The following DMAC2L variants were observed in gnomAD, a reference collection of about 807,000 sequenced individuals.
DMAC2L encodes distal membrane arm assembly component 2 like.
In DMAC2L, 21 loss-of-function variants were observed where a neutral mutation model predicts 22.5. That is an observed-to-expected ratio of 0.93 (90% CI 0.66 to 1.34). The LOEUF (loss-of-function observed/expected upper bound fraction) is 1.34, where lower values mean the gene tolerates loss of function less well. Among genes scored for constraint, DMAC2L ranks in the 40% most tolerant of loss-of-function variants. The probability of loss-of-function intolerance (pLI) is 0.00; values close to 1 mark genes in which losing one functional copy is unlikely to be tolerated. For synonymous variants in DMAC2L, 86 were observed against 89.5 expected (o/e 0.96, Z 0.22); for missense variants, 239 against 246.5 (o/e 0.97, Z 0.20).
At chr14:50,314,479 G>A (rs1443353379) in intron 1 of DMAC2L, 112 bp from the exon 2 acceptor site, 5 of 453,698 alleles carry the variant, frequency 1.1e-5, no homozygotes, top group Non-Finnish European at 4.4e-6. Flanking sequence ...ACATTCAACT[G>A]TTCACTCATT....
chr14:50,322,547 C>T lies in DMAC2L; in HGVS notation c.144C>T (p.Asp48=), dbSNP rs17850753. The T allele has an allele frequency of 1.9e-6, 3 of 1,613,528 alleles. No homozygotes were observed. The South Asian group carries it at 3.3e-5, about 18-fold the overall frequency. The change falls in exon 4 of 6, where the codon GAC becomes GAT. Residue 48 remains aspartate (D), a synonymous_variant. Coordinates refer to ENST00000557421, the MANE Select transcript of DMAC2L (RefSeq NM_001382507.1). ...DYDRIRDVGP[D]RAASEWLLRC... ...ATCGCATCAGGGATGTTGGCCCTGA[C>T]AGGGCGGCATCCGAGTGGTTGCTGC...
Position 50,326,069 on chromosome 14 carries a change from A to T in DMAC2L, c.*346A>T, listed in dbSNP as rs1029081777. 6 of 326,802 alleles carry T rather than the reference A, an allele frequency of 1.8e-5. No homozygotes were observed. Among genetic ancestry groups the T allele is most frequent in the Non-Finnish European group, 2.7e-5 (6 of 225,912 alleles). 20.2% of individuals were successfully genotyped at this position (326,802 alleles called of 1,614,324 possible). ...AACATGGTGAAACCCCATCTCTACT[A>T]AAAAAACAAAATTAGCTGAATGTGG... On this transcript the variant is annotated 3_prime_UTR_variant, in exon 6 of 6. Transcript: ENST00000557421.
At chr14:50,316,126 A>G (rs567633610) in intron 2 of DMAC2L, among the ~76,000 whole-genome samples, 2 of 151,964 alleles carry the variant, frequency 1.3e-5, no homozygotes, top group Non-Finnish European at 2.9e-5. Flanking sequence ...GTGGTATCAC[A>G]TTGTGGTTTT....
rs73279431 is a variant in DMAC2L, at chr14:50,318,760, C to T, written c.-5-2723C>T. ...TCATTAAGACCCATTTCAAAAGACACCTCTAGTGTGAAGGCCTTCTTCTCA... is the reference window on the plus strand; with the variant it reads ...TCATTAAGACCCATTTCAAAAGACATCTCTAGTGTGAAGGCCTTCTTCTCA... On this transcript the variant is annotated intron_variant, in intron 2 of 5. Coordinates refer to ENST00000557421, the MANE Select transcript of DMAC2L (RefSeq NM_001382507.1). Among the ~76,000 whole-genome samples the T allele has an allele frequency of 6.5e-3, 987 of 152,176 alleles. 13 individuals are homozygous for T. Among genetic ancestry groups the T allele is most frequent in the African/African-American group, 0.022 (905 of 41,502 alleles).
At chr14:50,320,152 G>T (rs149844477) in intron 2 of DMAC2L, among the ~76,000 whole-genome samples, 249 of 152,250 alleles carry the variant, frequency 1.6e-3, no homozygotes, top group Admixed American at 3.1e-3. Context: ...AGTGCAGTCT[G>T]GTACAATCTC....
intron 4 of DMAC2L, chr14:50,323,066 T>G: frequency 1.0e-6 from 1 of 976,200 alleles, no homozygotes; most frequent in Non-Finnish European, 1.2e-6. Flanking sequence ...TCTGCTTACG[T>G]GGGCATTTTT....
chr14:50,311,971 G>C (rs577072351), upstream of DMAC2L: 1 of 1,543,446 alleles, frequency 6.5e-7, no homozygotes, highest in African/African-American at 1.4e-5. Context: ...TCCGCGAGGG[G>C]CAGCAGCGCA....
chr14:50,321,501 G>GA lies in DMAC2L; in HGVS notation c.19dup (p.Ile7AsnfsTer16). 1 of 1,613,942 alleles carries GA rather than the reference G, an allele frequency of 6.2e-7. No individual in the cohort carries two copies. The highest frequency in any genetic ancestry group is 8.5e-7 in the Non-Finnish European group (1 of 1,179,892). On this transcript the variant is annotated frameshift_variant, in exon 3 of 6. Coordinates refer to ENST00000557421, the MANE Select transcript of DMAC2L (RefSeq NM_001382507.1). LOFTEE classifies it high-confidence loss of function. ...TGTCTAGATCAAATGATGCCGTTTG[G>GA]AAAAATTTCCCAGCAGTTGTGTGGC...
Position 50,326,788 on chromosome 14 carries a change from C to T in DMAC2L, c.*1065C>T. 1 of 981,236 alleles carries T rather than the reference C, an allele frequency of 1.0e-6. No homozygotes were observed. Among genetic ancestry groups the T allele is most frequent in the African/African-American group, 1.7e-5 (1 of 57,198 alleles). The allele number at this position is 981,236 out of a possible 1,614,324, so 60.8% of individuals were successfully genotyped here. On this transcript the variant is annotated 3_prime_UTR_variant, in exon 6 of 6. Transcript: ENST00000557421. ...GGGTGCCGTGGCTCGTGCCTGTAAT[C>T]CCAGTGCTTTGGGAGGCTGAGGTGG...
Position 50,325,998 on chromosome 14 carries a change from A to AGC in DMAC2L, c.*277_*278dup, listed in dbSNP as rs1409104428. 4 of 945,222 alleles carry AGC rather than the reference A, an allele frequency of 4.2e-6. No individual in the cohort carries two copies. In the East Asian group the frequency reaches 3.7e-4, roughly 87 times the overall value. 58.6% of individuals were successfully genotyped at this position (945,222 alleles called of 1,614,324 possible). ...TAATCCTAGCACTTTGGGAGGCCAAAGCGGGCAGATCACCTGAGGTCAGGA... is the reference window on the plus strand; with the variant it reads ...TAATCCTAGCACTTTGGGAGGCCAAAGCGCGGGCAGATCACCTGAGGTCAGGA... On this transcript the variant is annotated 3_prime_UTR_variant, in exon 6 of 6. Coordinates refer to ENST00000557421, the MANE Select transcript of DMAC2L (RefSeq NM_001382507.1).
chr14:50,312,799 C>G (rs2031368003), intron 1 of DMAC2L: 4 of 556,834 alleles, frequency 7.2e-6, no homozygotes, highest in Admixed American at 6.6e-5. Flanking sequence ...CACGGAGGCT[C>G]TTTGTCACAG....
intron 2 of DMAC2L, among the ~76,000 whole-genome samples, chr14:50,317,866 T>A (rs540837008): frequency 6.6e-6 from 1 of 152,338 alleles, no homozygotes; most frequent in South Asian, 2.1e-4. Context: ...CCGTTCATAT[T>A]ATGTTGGCTG....
At chr14:50,312,137 A>T (rs762866094), upstream of DMAC2L, 1 of 1,610,554 alleles carries the variant, frequency 6.2e-7, no homozygotes, top group Non-Finnish European at 8.5e-7. Flanking sequence ...CAAATAACGC[A>T]GCGCTGGCAC....
In DMAC2L at chr14:50,326,047, A is replaced by G. The variant is rs1344640835; in HGVS notation, c.*324A>G. ...GAGTTCAAGACCAACCATGGCCAACATGGTGAAACCCCATCTCTACTAAAA... is the reference window on the plus strand; with the variant it reads ...GAGTTCAAGACCAACCATGGCCAACGTGGTGAAACCCCATCTCTACTAAAA... On this transcript the variant is annotated 3_prime_UTR_variant, in exon 6 of 6. Transcript: ENST00000557421. 1.6e-5 allele frequency: 7 copies of G among 449,300 alleles called. No individual in the cohort carries two copies. Among genetic ancestry groups the G allele is most frequent in the South Asian group, 8.1e-5 (1 of 12,404 alleles). The allele number at this position is 449,300 out of a possible 1,614,324, so 27.8% of individuals were successfully genotyped here.
intron 2 of DMAC2L, among the ~76,000 whole-genome samples, chr14:50,315,681 AAAAAAAAAG>A (rs2031728847): frequency 6.6e-6 from 1 of 151,554 alleles, no homozygotes; most frequent in African/African-American, 2.4e-5. Flanking sequence ...AAAAAAAAAA[AAAAAAAAAG>A]AGTAATAAAT....
intron 2 of DMAC2L, chr14:50,319,384 T>C (rs1452689034): frequency 1.3e-6 from 2 of 1,520,340 alleles, no homozygotes; most frequent in Non-Finnish European, 1.8e-6. Context: ...TTTAAGGTGT[T>C]TCCCTCTCAG....
At chr14:50,316,361 T>A (rs1049094868) in intron 2 of DMAC2L, among the ~76,000 whole-genome samples, 1 of 152,256 alleles carries the variant, frequency 6.6e-6, no homozygotes, top group Non-Finnish European at 1.5e-5. Flanking sequence ...GTTGTCTGTT[T>A]ACTCTGCTGA....
intron 2 of DMAC2L, among the ~76,000 whole-genome samples, chr14:50,320,334 ATCCTGACCT>A (rs1304063995): frequency 1.3e-5 from 2 of 151,880 alleles, no homozygotes; most frequent in African/African-American, 4.8e-5. Context: ...TCGTCTCGAT[ATCCTGACCT>A]CGTGATCTGC....
chr14:50,312,126 C>A (rs908217242), upstream of DMAC2L: 5 of 1,610,372 alleles, frequency 3.1e-6, no homozygotes, highest in African/African-American at 1.3e-5. Flanking sequence ...CAGGCACCAA[C>A]CAAATAACGC....
Sources: allele counts gnomAD v4.1 joint callset (sites outside exome capture counted in the v4.1 genomes callset), GRCh38; gene constraint gnomAD v4.1.1; transcripts MANE v1.5; gene names NCBI Gene and HGNC (gene_info 2026-07-23, HGNC 2026-07-21).